The following ADAM12 variants were observed in gnomAD, a reference collection of about 807,000 sequenced individuals.
ADAM12 encodes disintegrin and metalloproteinase domain-containing protein 12.
In ADAM12, 70 loss-of-function variants were observed where a neutral mutation model predicts 106.4. The ratio of observed to expected loss-of-function variants is 0.66; its 90% confidence interval spans 0.54 to 0.80. The LOEUF is 0.80. Ranked by LOEUF, ADAM12 falls within the 30% of genes least tolerant of loss-of-function variation. ADAM12 has a pLI of 0.00. For missense variants in ADAM12, 1,010 were observed against 1,171.9 expected (o/e 0.86, Z 2.02); for synonymous variants, 420 against 433.5 (o/e 0.97, Z 0.39).
rs1958750484 is a variant in ADAM12 at position 126,251,529 on chromosome 10, AT to A, written c.260+27385del. ...GGGATGAATGGATGGGATGGACAGG[AT>A]GGATAGATGGATGGATAGGATAGAT... is the stretch of plus-strand genomic sequence containing the variant. On this transcript the variant is annotated intron_variant, in intron 3 of 22. Coordinates refer to ENST00000448723, the MANE Select transcript of ADAM12 (RefSeq NM_001288973.2). Among the ~76,000 whole-genome samples the A allele has an allele frequency of 1.0e-4, 3 of 29,564 alleles. No homozygotes were observed. The East Asian group carries it at 5.1e-3, about 51-fold the overall frequency. 19.4% of individuals were successfully genotyped at this position (29,564 alleles called of 152,430 possible).
chr10:126,076,583 C>G (rs1267185379), intron 11 of ADAM12, among the ~76,000 whole-genome samples: 1 of 152,118 alleles, frequency 6.6e-6, no homozygotes, highest in South Asian at 2.1e-4. Context: ...TGGTATCTCA[C>G]TGTGGTTTTG....
intron 3 of ADAM12, among the ~76,000 whole-genome samples, chr10:126,198,958 T>A (rs1004759382): frequency 3.9e-5 from 6 of 152,220 alleles, no homozygotes; most frequent in Non-Finnish European, 7.3e-5. Flanking sequence ...ATTACCACTA[T>A]CTGATATCAA....
At chr10:126,135,803 C>G in intron 4 of ADAM12, 143 bp from the exon 5 acceptor site, 2 of 711,606 alleles carry the variant, frequency 2.8e-6, no homozygotes, top group South Asian at 3.8e-5. Flanking sequence ...TAATGCAAAG[C>G]CCAACATGAC....
At chr10:126,245,208 A>G (rs1029073737) in intron 3 of ADAM12, among the ~76,000 whole-genome samples, 4 of 152,200 alleles carry the variant, frequency 2.6e-5, no homozygotes, top group Non-Finnish European at 5.9e-5. Flanking sequence ...TTGTCTCTGT[A>G]AGACAAACTG....
At chr10:126,262,306 T>C (rs1166740977) in intron 3 of ADAM12, among the ~76,000 whole-genome samples, 2 of 152,170 alleles carry the variant, frequency 1.3e-5, no homozygotes, top group African/African-American at 2.4e-5. Flanking sequence ...TTTCCACTTA[T>C]AGGAATTCCA....
intron 4 of ADAM12, among the ~76,000 whole-genome samples, chr10:126,141,690 T>C (rs1252620495): frequency 1.3e-5 from 2 of 152,150 alleles, no homozygotes; most frequent in African/African-American, 2.4e-5. Context: ...CAACTCTCAG[T>C]GGACTAGAAG....
At chr10:126,162,017 T>C (rs1170735463) in intron 3 of ADAM12, among the ~76,000 whole-genome samples, 1 of 152,192 alleles carries the variant, frequency 6.6e-6, no homozygotes. Flanking sequence ...GATTTTGCTA[T>C]TTGCCGTTTG....
chr10:126,384,456 A>C (rs139423847), intron 1 of ADAM12, among the ~76,000 whole-genome samples: 1 of 152,306 alleles, frequency 6.6e-6, no homozygotes, highest in African/African-American at 2.4e-5. Context: ...TCAACACAGG[A>C]AGGATGCAAG....
intron 3 of ADAM12, among the ~76,000 whole-genome samples, chr10:126,203,944 G>GCC (rs1484023019): frequency 7.0e-6 from 1 of 142,962 alleles, no homozygotes. Flanking sequence ...GCGCGCGTGT[G>GCC]TGTGTGTGTG....
Position 126,149,602 on chromosome 10 carries a change from C to T in ADAM12, c.339+5625G>A, listed in dbSNP as rs180707049. Among the ~76,000 whole-genome samples, 31 of 152,308 alleles carry T rather than the reference C, an allele frequency of 2.0e-4. No homozygotes were observed. In the East Asian group the frequency reaches 5.4e-3, roughly 27 times the overall value. On this transcript the variant is annotated intron_variant, in intron 4 of 22. Transcript: ENST00000448723. Reference sequence around the variant, plus strand: ...GGGTGGGCACCATCTAATCAGCTGCCAGCGCGGCTAGAATAAAGTAGGCAG... The same window carrying T: ...GGGTGGGCACCATCTAATCAGCTGCTAGCGCGGCTAGAATAAAGTAGGCAG...
chr10:126,042,320 C>G, intron 18 of ADAM12: 2 of 1,542,494 alleles, frequency 1.3e-6, no homozygotes, highest in Non-Finnish European at 1.7e-6. Context: ...CACCAGTAAA[C>G]CATTTCTAAA....
chr10:126,191,591 T>C (rs946100787), intron 3 of ADAM12, among the ~76,000 whole-genome samples: 2 of 150,844 alleles, frequency 1.3e-5, no homozygotes, highest in Non-Finnish European at 3.0e-5. Context: ...GTTTGAGTGA[T>C]GGAGAAGACT....
chr10:126,171,598 C>T (rs933399162), intron 3 of ADAM12, among the ~76,000 whole-genome samples: 10 of 152,194 alleles, frequency 6.6e-5, no homozygotes, highest in Non-Finnish European at 1.2e-4. Flanking sequence ...CGCTAAGTCT[C>T]CACGGTGTCT....
At chr10:126,142,831 G>T (rs1481717391) in intron 4 of ADAM12, among the ~76,000 whole-genome samples, 2 of 152,174 alleles carry the variant, frequency 1.3e-5, no homozygotes, top group African/African-American at 4.8e-5. Context: ...GAGCGTACAT[G>T]TGTATGGGTG....
intron 9 of ADAM12, 43 bp downstream of exon 9, chr10:126,101,029 A>T (rs2290845): frequency 6.2e-7 from 1 of 1,603,044 alleles, no homozygotes; most frequent in Non-Finnish European, 8.5e-7. Context: ...CTTCGCCGAG[A>T]GCACTCCTTT....
chr10:126,374,230 A>C (rs1856202829), intron 1 of ADAM12, among the ~76,000 whole-genome samples: 1 of 152,070 alleles, frequency 6.6e-6, no homozygotes, highest in Non-Finnish European at 1.5e-5. Context: ...GAGTAAACAG[A>C]CTCTGCTCCA....
At chr10:126,180,264 C>T (rs1219233517) in intron 3 of ADAM12, among the ~76,000 whole-genome samples, 2 of 152,136 alleles carry the variant, frequency 1.3e-5, no homozygotes, top group African/African-American at 2.4e-5. Context: ...GGTTTGAATC[C>T]GAGCTTTCTG....
intron 3 of ADAM12, chr10:126,273,209 TC>T (rs1206455664): frequency 2.0e-5 from 3 of 153,564 alleles, no homozygotes; most frequent in African/African-American, 7.2e-5. Flanking sequence ...CCAGTCCTTA[TC>T]TTGATTAGCA....
At chr10:126,178,070 T>C (rs1327352899) in intron 3 of ADAM12, among the ~76,000 whole-genome samples, 1 of 152,238 alleles carries the variant, frequency 6.6e-6, no homozygotes, top group African/African-American at 2.4e-5. Flanking sequence ...TTTATTTATG[T>C]GATTGTTGAT....
Sources: gnomAD v4.1 joint callset for allele counts (sites outside exome capture counted in the v4.1 genomes callset) on GRCh38, gnomAD v4.1.1 for gene constraint, MANE v1.5 for transcripts, NCBI Gene and HGNC (gene_info 2026-07-23, HGNC 2026-07-21) for gene names.